The following NTRK3 variants were observed in gnomAD, a reference collection of about 807,000 sequenced individuals.
The protein encoded by NTRK3 is NT-3 growth factor receptor.
In NTRK3, 24 loss-of-function variants were observed where a neutral mutation model predicts 91.7. That is an observed-to-expected ratio of 0.26 (90% CI 0.19 to 0.37). The LOEUF is 0.37. Among genes scored for constraint, NTRK3 ranks in the 10% least tolerant of loss-of-function variants. The pLI, the probability that NTRK3 is intolerant of heterozygous loss-of-function variation, is 1.00. For missense variants in NTRK3, 880 were observed against 1,068.9 expected, an observed-to-expected ratio of 0.82 and a Z score of 2.46; for synonymous variants, 483 against 404.0, an observed-to-expected ratio of 1.20 and a Z score of -2.34.
chr15:87,906,786 T>C (rs1281984737), intron 17 of NTRK3, among the ~76,000 whole-genome samples: 1 of 152,160 alleles, frequency 6.6e-6, no homozygotes. Context: ...ACCACCACTA[T>C]TACTACCACC....
At position 88,100,744 on chromosome 15, in the gene NTRK3, T is replaced by C. The variant is rs181305243; in HGVS notation, c.1396+25527A>G. Among the ~76,000 whole-genome samples, 379 of 152,178 alleles carry C rather than the reference T, an allele frequency of 2.5e-3. 3 individuals carry two copies. Among genetic ancestry groups the C allele is most frequent in the African/African-American group, 8.6e-3 (358 of 41,508 alleles). ...TTAAAAATCTGATCTTTGACAAACCTGACAAAAACAAGAAATGGGGAAACG... is the reference window on the plus strand; with the variant it reads ...TTAAAAATCTGATCTTTGACAAACCCGACAAAAACAAGAAATGGGGAAACG... On this transcript the variant is annotated intron_variant, in intron 13 of 18. Coordinates refer to ENST00000394480, the Ensembl canonical transcript of NTRK3.
At chr15:87,933,073 C>T (rs2141955136) in exon 16 of NTRK3, 1 of 1,614,110 alleles carries the variant, frequency 6.2e-7, no homozygotes, top group Non-Finnish European at 8.5e-7. Context: ...AGGGGGTCCC[C>T]ATCGCCGCAC....
chr15:87,975,919 C>T (rs2073677071), intron 14 of NTRK3, among the ~76,000 whole-genome samples: 1 of 152,200 alleles, frequency 6.6e-6, no homozygotes, highest in East Asian at 1.9e-4. Flanking sequence ...AGACATTCCA[C>T]ATCCTTTCCT....
Position 88,191,073 on chromosome 15 carries a change from A to C in NTRK3, c.249-6774T>G, listed in dbSNP as rs1053982173. ...GTGAAGCTTTCCTGGAGGTGCAGTCACAATTCACATTTACATGGCGGTACC... is the reference window on the plus strand; with the variant it reads ...GTGAAGCTTTCCTGGAGGTGCAGTCCCAATTCACATTTACATGGCGGTACC... On this transcript the variant is annotated intron_variant, in intron 3 of 18. Transcript: ENST00000394480. Among the ~76,000 whole-genome samples, 4 of 152,180 alleles carry C rather than the reference A, an allele frequency of 2.6e-5. No individual in the cohort carries two copies. The East Asian group carries it at 7.7e-4, about 29-fold the overall frequency.
chr15:88,208,575 C>T (rs1360883587), intron 3 of NTRK3, among the ~76,000 whole-genome samples: 5 of 152,102 alleles, frequency 3.3e-5, no homozygotes, highest in Admixed American at 6.5e-5. Context: ...GCTGAGGCTG[C>T]TAGTCCATAG....
intron 13 of NTRK3, among the ~76,000 whole-genome samples, chr15:88,116,620 TA>T (rs949374346): frequency 7.9e-5 from 12 of 152,128 alleles, no homozygotes; most frequent in African/African-American, 2.9e-4. Context: ...CCTTATTACT[TA>T]AAGCATGGTC....
chr15:88,104,217 TGAC>T (rs1356482362), intron 13 of NTRK3, among the ~76,000 whole-genome samples: 2 of 152,264 alleles, frequency 1.3e-5, no homozygotes, highest in African/African-American at 4.8e-5. Context: ...CGTTGAAAGA[TGAC>T]GACTTTTCAC....
chr15:88,202,200 T>C (rs973920813), intron 3 of NTRK3, among the ~76,000 whole-genome samples: 3 of 152,158 alleles, frequency 2.0e-5, no homozygotes, highest in African/African-American at 7.2e-5. Context: ...TCCTAGCTAA[T>C]CCAATCCTAA....
At chr15:88,143,291 C>A (rs993168808) in intron 6 of NTRK3, among the ~76,000 whole-genome samples, 1 of 152,098 alleles carries the variant, frequency 6.6e-6, no homozygotes, top group Non-Finnish European at 1.5e-5. Flanking sequence ...ATGGCAGGCA[C>A]GTGAGATGGA....
chr15:87,946,573 C>T (rs1327230230), intron 14 of NTRK3, among the ~76,000 whole-genome samples: 1 of 152,106 alleles, frequency 6.6e-6, no homozygotes, highest in Non-Finnish European at 1.5e-5. Context: ...GAAGCAGTCC[C>T]CTGCCACCAC....
At chr15:87,921,672 A>T (rs1300052074) in intron 17 of NTRK3, among the ~76,000 whole-genome samples, 1 of 151,982 alleles carries the variant, frequency 6.6e-6, no homozygotes, top group Non-Finnish European at 1.5e-5. Flanking sequence ...TCTTAATCTC[A>T]CCTCTTGGGA....
At chr15:88,139,850 G>T (rs1275521199) in intron 6 of NTRK3, among the ~76,000 whole-genome samples, 1 of 141,764 alleles carries the variant, frequency 7.1e-6, no homozygotes, top group African/African-American at 2.6e-5. Flanking sequence ...GGGTGCAAGA[G>T]AGAAGCAGAG....
At chr15:87,989,557 C>T (rs888798422) in intron 14 of NTRK3, among the ~76,000 whole-genome samples, 5 of 151,924 alleles carry the variant, frequency 3.3e-5, no homozygotes, top group Non-Finnish European at 5.9e-5. Context: ...ATGTAAATGA[C>T]GAGTTAATGG....
intron 3 of NTRK3, among the ~76,000 whole-genome samples, chr15:88,198,078 G>T (rs144694077): frequency 2.0e-5 from 3 of 152,142 alleles, no homozygotes; most frequent in Admixed American, 6.5e-5. Flanking sequence ...AAATATGCTA[G>T]GGCTCAAAGA....
exon 19 of NTRK3, chr15:87,874,547 C>G (rs1255224456): frequency 4.3e-6 from 1 of 233,314 alleles, no homozygotes; most frequent in African/African-American, 2.2e-5. Flanking sequence ...CTGCTTCTTC[C>G]CAGCCCATCA....
intron 13 of NTRK3, among the ~76,000 whole-genome samples, chr15:88,064,629 G>A (rs1597091880): frequency 6.6e-6 from 1 of 152,146 alleles, no homozygotes; most frequent in Non-Finnish European, 1.5e-5. Flanking sequence ...TATGCCCATA[G>A]CTACCACATT....
chr15:87,885,850 G>T (rs2065504182), intron 17 of NTRK3, 115 bp from the exon 18 acceptor site: 1 of 418,252 alleles, frequency 2.4e-6, no homozygotes, highest in Non-Finnish European at 4.2e-6. Context: ...AAGCCATCAA[G>T]AATAAGATTT....
Position 88,240,445 on chromosome 15 carries a change from A to G in NTRK3, c.248+15461T>C, listed in dbSNP as rs1430017026. On this transcript the variant is annotated intron_variant, in intron 3 of 18. Transcript: ENST00000394480. The surrounding 1 kb of genome is among the most constrained non-coding windows in gnomAD (Gnocchi z 4.9). The stretch of plus-strand genomic sequence containing the variant: ...TGTCCATGAAACTCAAGGATCTCAA[A>G]CTCCACTGAGTCCCAAGGGCCCCTT... Among the ~76,000 whole-genome samples the G allele has an allele frequency of 6.6e-6, 1 of 151,966 alleles. No individual in the cohort carries two copies. Among genetic ancestry groups the G allele is most frequent in the African/African-American group, 2.4e-5 (1 of 41,368 alleles).
At chr15:88,103,837 G>A (rs952325372) in intron 13 of NTRK3, among the ~76,000 whole-genome samples, 1 of 152,180 alleles carries the variant, frequency 6.6e-6, no homozygotes, top group African/African-American at 2.4e-5. Context: ...CATTTTGAGA[G>A]CCAAAGGGCA....
Sources: allele counts gnomAD v4.1 joint callset (sites outside exome capture counted in the v4.1 genomes callset), GRCh38; gene constraint gnomAD v4.1.1; non-coding constraint Gnocchi (gnomAD v3.1); transcripts MANE v1.5; gene names NCBI Gene and HGNC (gene_info 2026-07-23, HGNC 2026-07-21).